USP34: variants seen among roughly 807,000 people sequenced by gnomAD.
USP34 encodes ubiquitin specific peptidase 34, also known as ubiquitin carboxyl-terminal hydrolase 34.
A neutral mutation model predicts 460.3 loss-of-function variants in USP34; 70 were observed. That is an observed-to-expected ratio of 0.15 (90% CI 0.13 to 0.19). The LOEUF (loss-of-function observed/expected upper bound fraction) is 0.19. USP34 is among the 10% of genes least tolerant of loss of function. The pLI is 1.00. For synonymous variants in USP34, 1,647 were observed against 1,405.3 expected, an observed-to-expected ratio of 1.17 and a Z score of -3.85; for missense variants, 3,985 against 4,236.2, an observed-to-expected ratio of 0.94 and a Z score of 1.65.
chr2:61,338,391 T>C (rs906611943), intron 18 of USP34, among the ~76,000 whole-genome samples: 4 of 152,232 alleles, frequency 2.6e-5, no homozygotes, highest in African/African-American at 9.6e-5. Context: ...TGGTTTCTTA[T>C]ATGTGCATGA....
intron 10 of USP34, 82 bp from the exon 11 acceptor site, chr2:61,350,775 T>C: frequency 6.8e-7 from 1 of 1,461,302 alleles, no homozygotes; most frequent in Non-Finnish European, 9.1e-7. Flanking sequence ...AGTTTGAAAG[T>C]CAAAAAGTTG....
intron 5 of USP34, among the ~76,000 whole-genome samples, chr2:61,393,981 C>A (rs1456857104): frequency 1.3e-5 from 2 of 152,054 alleles, no homozygotes; most frequent in East Asian, 3.9e-4. Context: ...ATTAGCCGGG[C>A]ATGGTGGTTC....
At chr2:61,312,537 A>G (rs1043592029) in intron 25 of USP34, among the ~76,000 whole-genome samples, 4 of 152,068 alleles carry the variant, frequency 2.6e-5, no homozygotes, top group South Asian at 4.1e-4. Flanking sequence ...GTCTAAAACT[A>G]ATCAGCAAAT....
chr2:61,340,154 A>C (rs1414940623), intron 16 of USP34, among the ~76,000 whole-genome samples: 1 of 152,220 alleles, frequency 6.6e-6, no homozygotes, highest in African/African-American at 2.4e-5. Context: ...ATAATTATTT[A>C]AACAGACATA....
chr2:61,380,795 C>T (rs1019288466), intron 6 of USP34, among the ~76,000 whole-genome samples: 1 of 152,150 alleles, frequency 6.6e-6, no homozygotes, highest in African/African-American at 2.4e-5. Flanking sequence ...GAACTCTAAT[C>T]ACCAACAAAA....
chr2:61,315,317 C>T (rs1483557272), intron 23 of USP34, among the ~76,000 whole-genome samples: 1 of 152,118 alleles, frequency 6.6e-6, no homozygotes, highest in Non-Finnish European at 1.5e-5. Context: ...GAGAAAACCA[C>T]TGCTTTCTTG....
intron 43 of USP34, among the ~76,000 whole-genome samples, chr2:61,263,789 A>C (rs577613989): frequency 2.0e-5 from 3 of 152,030 alleles, no homozygotes; most frequent in Non-Finnish European, 4.4e-5. Context: ...ACACGCAGCT[A>C]ATTTTTGTAT....
At chr2:61,467,295 T>A (rs1695800544) in intron 1 of USP34, among the ~76,000 whole-genome samples, 1 of 151,884 alleles carries the variant, frequency 6.6e-6, no homozygotes, top group Non-Finnish European at 1.5e-5. Flanking sequence ...ACAGCGAGAT[T>A]CTGTCTCCAA....
chr2:61,352,036 G>C (rs1019867668), intron 10 of USP34, among the ~76,000 whole-genome samples: 1 of 152,078 alleles, frequency 6.6e-6, no homozygotes, highest in African/African-American at 2.4e-5. Context: ...AAGTGTTTCA[G>C]GTTTTGGATT....
At chr2:61,317,497 A>C (rs942180322) in intron 23 of USP34, among the ~76,000 whole-genome samples, 157 bp downstream of exon 23, 4 of 152,254 alleles carry the variant, frequency 2.6e-5, no homozygotes, top group Non-Finnish European at 5.9e-5. Flanking sequence ...ACTGCACTAC[A>C]GCCTGAGCAA....
intron 1 of USP34, among the ~76,000 whole-genome samples, chr2:61,467,621 T>G (rs1294865341): frequency 7.0e-6 from 1 of 142,314 alleles, no homozygotes; most frequent in Admixed American, 7.0e-5. Flanking sequence ...AACTTTGTTT[T>G]TTTTTTTTTT....
intron 76 of USP34, 46 bp downstream of exon 76, chr2:61,192,855 G>T: frequency 6.6e-7 from 1 of 1,521,842 alleles, no homozygotes; most frequent in Non-Finnish European, 9.0e-7. Context: ...TGACCACTTG[G>T]TCAGATAAGA....
intron 27 of USP34, among the ~76,000 whole-genome samples, chr2:61,304,824 G>A (rs892241237): frequency 1.3e-5 from 2 of 152,136 alleles, no homozygotes; most frequent in Admixed American, 1.3e-4. Flanking sequence ...ACATTGAGCT[G>A]CTTTCTATCT....
At chr2:61,286,569 C>A (rs989838268) in intron 34 of USP34, among the ~76,000 whole-genome samples, 1 of 151,950 alleles carries the variant, frequency 6.6e-6, no homozygotes, top group Non-Finnish European at 1.5e-5. Flanking sequence ...GTAGTAAAAC[C>A]GCTTGAACAC....
At chr2:61,356,502 C>T (rs957218599) in intron 10 of USP34, among the ~76,000 whole-genome samples, 1 of 150,852 alleles carries the variant, frequency 6.6e-6, no homozygotes, top group Non-Finnish European at 1.5e-5. Context: ...CACACACATA[C>T]ACACACACAC....
intron 5 of USP34, among the ~76,000 whole-genome samples, chr2:61,390,806 A>C (rs1693321144): frequency 6.6e-6 from 1 of 152,054 alleles, no homozygotes; most frequent in Non-Finnish European, 1.5e-5. Context: ...CTGAAAAAAA[A>C]AACTCACCAG....
At chr2:61,419,620 T>G (rs1178874214) in intron 2 of USP34, among the ~76,000 whole-genome samples, 1 of 152,168 alleles carries the variant, frequency 6.6e-6, no homozygotes, top group Non-Finnish European at 1.5e-5. Flanking sequence ...TTCTCTGGAT[T>G]TCATTTTATT....
intron 51 of USP34, among the ~76,000 whole-genome samples, chr2:61,244,555 C>T (rs1011039903): frequency 4.7e-5 from 7 of 149,752 alleles, no homozygotes; most frequent in African/African-American, 7.4e-5. Flanking sequence ...GTGGAGGTTG[C>T]AGTGAGCCGA....
At chr2:61,470,394 G>A (rs1462077732) in intron 1 of USP34, among the ~76,000 whole-genome samples, 1 of 151,744 alleles carries the variant, frequency 6.6e-6, no homozygotes, top group Non-Finnish European at 1.5e-5. Flanking sequence ...GAAACTTTCC[G>A]AGAGCCCAGA....
Sources: allele counts gnomAD v4.1 joint callset (sites outside exome capture counted in the v4.1 genomes callset), GRCh38; gene constraint gnomAD v4.1.1; transcripts MANE v1.5; gene names NCBI Gene and HGNC (gene_info 2026-07-23, HGNC 2026-07-21).